The following TERT variants were observed in gnomAD, a reference collection of about 807,000 sequenced individuals.
The protein encoded by TERT is telomerase reverse transcriptase.
A neutral mutation model predicts 104.0 loss-of-function variants in TERT; 42 were observed. That is an observed-to-expected ratio of 0.40 (90% CI 0.32 to 0.52). The LOEUF (loss-of-function observed/expected upper bound fraction) is 0.52. TERT is among the 20% of genes least tolerant of loss of function. The pLI, the probability that TERT is intolerant of heterozygous loss-of-function variation, is 0.43. For synonymous variants in TERT, 781 were observed against 725.6 expected, an observed-to-expected ratio of 1.08 and a Z score of -1.23; for missense variants, 1,101 against 1,610.3, an observed-to-expected ratio of 0.68 and a Z score of 5.41.
In TERT at chr5:1,257,122, A is replaced by C. The variant is rs1467084169; in HGVS notation, c.3032+1476T>G. Among the ~76,000 whole-genome samples, 2 of 152,072 alleles carry C rather than the reference A, an allele frequency of 1.3e-5. No individual in the cohort carries two copies. Among genetic ancestry groups the C allele is most frequent in the African/African-American group, 4.8e-5 (2 of 41,416 alleles). Reference sequence around the variant, plus strand: ...ATCGCATCTCGGCCTCCTCAGGGCTACCCAATCAAGCGACTACCCAAGGGT... The same window carrying C: ...ATCGCATCTCGGCCTCCTCAGGGCTCCCCAATCAAGCGACTACCCAAGGGT... On this transcript the variant is annotated intron_variant, in intron 13 of 15. Transcript: ENST00000310581. The surrounding 1 kb of genome is among the most constrained non-coding windows in gnomAD (Gnocchi z 5.6).
intron 11 of TERT, 143 bp from the exon 12 acceptor site, chr5:1,260,743 G>T (rs1748175811): frequency 1.7e-6 from 2 of 1,182,152 alleles, no homozygotes; most frequent in Non-Finnish European, 2.4e-6. Flanking sequence ...AGGGGGCTGG[G>T]TGCTCACTCC....
At chr5:1,281,390 T>TGCCC (rs1750012343) in intron 3 of TERT, among the ~76,000 whole-genome samples, 1 of 151,682 alleles carries the variant, frequency 6.6e-6, no homozygotes, top group South Asian at 2.1e-4. Flanking sequence ...GCATGGGGTG[T>TGCCC]CACAAGGCCC....
Position 1,280,196 on chromosome 5 carries a change from A to G in TERT, c.1912T>C (p.Tyr638His). 6.2e-7 allele frequency: 1 copy of G among 1,614,098 alleles called. No homozygotes were observed. The highest frequency in any genetic ancestry group is 8.5e-7 in the Non-Finnish European group (1 of 1,180,038). ...DGLRPIVNMD[Y>H]VVGARTFRRE... ...CGGAACGTTCTGGCTCCCACGACGT[A>G]GTCCATGTTCACAATCGGCCGCAGC... Residue 638 changes from tyrosine to histidine, a missense_variant, in exon 4 of 16, where the codon TAC (tyrosine) becomes CAC (histidine). Physicochemically the swap from Tyr to His is moderately conservative, Grantham distance 83. Transcript: ENST00000310581.
Position 1,272,255 on chromosome 5 carries a change from G to C in TERT, c.2312C>G (p.Pro771Arg). Reference protein sequence around the residue: ...SHVSTLTDLQPYMRQFVAHLQ... With the variant: ...SHVSTLTDLQRYMRQFVAHLQ... ...GTGAGCCACGAACTGTCGCATGTACGGCTGGAGGTCTGTCAAGGTAGAGAC... is the reference window on the plus strand; with the variant it reads ...GTGAGCCACGAACTGTCGCATGTACCGCTGGAGGTCTGTCAAGGTAGAGAC... Residue 771 changes from proline to arginine, a missense_variant, in exon 7 of 16, where the codon CCG becomes CGG. Physicochemically the swap from Pro to Arg is moderately radical, Grantham distance 103. Around this residue, in one of 5 missense-constraint regions of TERT, gnomAD observed 463 missense variants for 797.5 expected, o/e 0.58. Coordinates refer to ENST00000310581, the MANE Select transcript of TERT (RefSeq NM_198253.3). 6.2e-7 allele frequency: 1 copy of C among 1,612,536 alleles called. No individual in the cohort carries two copies. Among genetic ancestry groups the C allele is most frequent in the Non-Finnish European group, 8.5e-7 (1 of 1,179,766 alleles).
chr5:1,264,483 T>A lies in TERT; in HGVS notation c.2764A>T (p.Met922Leu), dbSNP rs554229004. Residue 922 changes from methionine (M) to leucine (L), a missense_variant, in exon 11 of 16, where the codon ATG (methionine) becomes TTG (leucine). By Grantham distance (15) the Met-to-Leu change is conservative. Transcript: ENST00000310581. ...CAGGGGAATAGGCCGTGGGCCGGCA[T>A]CTGAACAAAAGCCGTGCCACCCAGG... ...EALGGTAFVQ[M>L]PAHGLFPWCG... 6.2e-6 allele frequency: 10 copies of A among 1,613,928 alleles called. No homozygotes were observed. The East Asian group carries it at 1.8e-4, about 29-fold the overall frequency.
At chr5:1,254,312 G>T (rs1172836345) in intron 15 of TERT, 56 bp downstream of exon 15, 3 of 1,611,626 alleles carry the variant, frequency 1.9e-6, no homozygotes, top group East Asian at 2.2e-5. Context: ...CACACAGGGC[G>T]TTCAAGGATG....
chr5:1,286,274 G>C lies in TERT; in HGVS notation c.1574-3650C>G, dbSNP rs1157562477. Among the ~76,000 whole-genome samples, 5 of 152,160 alleles carry C rather than the reference G, an allele frequency of 3.3e-5. No homozygotes were observed. Among genetic ancestry groups the C allele is most frequent in the Non-Finnish European group, 7.3e-5 (5 of 68,034 alleles). ...CATGGAGGCCAGCACAGGTAAAGCT[G>C]GGGTTTACCAGCAATAACAAGACAG... On this transcript the variant is annotated intron_variant, in intron 2 of 15. Transcript: ENST00000310581. The surrounding 1 kb of genome is among the most constrained non-coding windows in gnomAD (Gnocchi z 5.3).
intron 6 of TERT, among the ~76,000 whole-genome samples, chr5:1,278,243 C>T (rs1749750088): frequency 6.6e-6 from 1 of 152,186 alleles, no homozygotes; most frequent in African/African-American, 2.4e-5. Context: ...TGGTGCGGAC[C>T]ATGCCTGGAG....
chr5:1,253,660 G>A lies in TERT; in HGVS notation c.*68C>T. On this transcript the variant is annotated 3_prime_UTR_variant, in exon 16 of 16. Transcript: ENST00000310581. ...GGGTGTGGGCCGCCCCTCCCTCCCT[G>A]GGACGTAGAGCCCGGCGTGACAGGG... 1 of 1,398,218 alleles carries A rather than the reference G, an allele frequency of 7.2e-7. No individual in the cohort carries two copies. The highest frequency in any genetic ancestry group is 1.9e-5 in the Admixed American group (1 of 52,202). 86.6% of individuals were successfully genotyped at this position (1,398,218 alleles called of 1,614,324 possible).
chr5:1,279,546 G>C, intron 4 of TERT, 76 bp from the exon 5 acceptor site: 2 of 1,458,900 alleles, frequency 1.4e-6, no homozygotes, highest in Non-Finnish European at 9.4e-7. Flanking sequence ...GGACCCAGGG[G>C]AGAAGCAGCC....
chr5:1,291,749 C>T (rs868217957), intron 2 of TERT, among the ~76,000 whole-genome samples: 37 of 151,416 alleles, frequency 2.4e-4, no homozygotes, highest in African/African-American at 8.5e-4. Context: ...TCACCCTGCA[C>T]GTGACAGGGA....
rs778187343 is a variant in TERT at position 1,293,999 on chromosome 5, T to G, written c.887A>C (p.His296Pro). The G allele has an allele frequency of 1.9e-4, 301 of 1,575,612 alleles. No individual in the cohort carries two copies. The highest frequency in any genetic ancestry group is 2.5e-4 in the Non-Finnish European group (296 of 1,164,360). ...EGALSGTRHSHPSVGRQHHAG... is the reference protein window; with the variant it reads ...EGALSGTRHSPPSVGRQHHAG... ...GTGGTGCTGGCGGCCCACGGATGGG[T>G]GGGAGTGGCGCGTGCCAGAGAGCGC... The change falls in exon 2 of 16, where the codon CAC (histidine) becomes CCC (proline). Residue 296 changes from histidine to proline, a missense_variant. Transcript: ENST00000310581.
At chr5:1,266,433 G>A in intron 10 of TERT, 31 bp downstream of exon 10, 1 of 1,586,660 alleles carries the variant, frequency 6.3e-7, no homozygotes, top group Non-Finnish European at 8.6e-7. Context: ...AGGCTGTGGA[G>A]GTCCCCACAG....
rs1448618534 is a variant in TERT, at chr5:1,256,840, C to T, written c.3033-1429G>A. Among the ~76,000 whole-genome samples the T allele has an allele frequency of 6.6e-6, 1 of 152,232 alleles. No homozygotes were observed. Among genetic ancestry groups the T allele is most frequent in the Non-Finnish European group, 1.5e-5 (1 of 68,046 alleles). ...GCTCTCTTCCAAAGGGAGAAATAGC[C>T]ACCTGCTAGAGGTCGGGGCGTCCAC... On this transcript the variant is annotated intron_variant, in intron 13 of 15. Coordinates refer to ENST00000310581, the MANE Select transcript of TERT (RefSeq NM_198253.3). This position sits in a 1 kb window ranked among gnomAD's most constrained non-coding sequence, Gnocchi z 7.0.
In TERT at chr5:1,265,223, T is replaced by A. The variant is rs1226185394; in HGVS notation, c.2655-631A>T. ...GTGCCCGGTAGCCTCTGCTCTGGCC[T>A]GGGCATCCCCTTCCCTTCCTGCGGC... On this transcript the variant is annotated intron_variant, in intron 10 of 15. Transcript: ENST00000310581. The surrounding 1 kb of genome is among the most constrained non-coding windows in gnomAD (Gnocchi z 6.9). 6.6e-6 allele frequency among the ~76,000 whole-genome samples: 1 copy of A among 152,126 alleles called. No homozygotes were observed. The highest frequency in any genetic ancestry group is 1.9e-4 in the East Asian group (1 of 5,174).
In TERT at chr5:1,292,413, G is replaced by C. The variant is rs1196701217; in HGVS notation, c.1573+900C>G. Among the ~76,000 whole-genome samples, 1 of 152,134 alleles carries C rather than the reference G, an allele frequency of 6.6e-6. No individual in the cohort carries two copies. The highest frequency in any genetic ancestry group is 1.5e-5 in the Non-Finnish European group (1 of 68,034). The stretch of plus-strand genomic sequence containing the variant: ...CAGGTGGAGCCATCTGCTGTCCTCT[G>C]CTCCCATGTGGCCCTCTTCATACCT... On this transcript the variant is annotated intron_variant, in intron 2 of 15. Transcript: ENST00000310581. The surrounding 1 kb of genome is among the most constrained non-coding windows in gnomAD (Gnocchi z 5.5).
chr5:1,260,887 G>A (rs1018007616), intron 11 of TERT, among the ~76,000 whole-genome samples: 2 of 152,024 alleles, frequency 1.3e-5, no homozygotes, highest in African/African-American at 4.8e-5. Flanking sequence ...GATGAGATCT[G>A]CACATAACTC....
At chr5:1,271,225 C>CA (rs1749010597) in intron 7 of TERT, 21 bp from the exon 8 acceptor site, 1 of 1,591,416 alleles carries the variant, frequency 6.3e-7, no homozygotes, top group Non-Finnish European at 8.6e-7. Flanking sequence ...AGACGGGAGA[C>CA]ACATGGGAGT....
At chr5:1,290,569 C>G (rs1750839064) in intron 2 of TERT, among the ~76,000 whole-genome samples, 1 of 74,896 alleles carries the variant, frequency 1.3e-5, no homozygotes. Context: ...CTCACTCACC[C>G]TACACGTGAC....
Sources: allele counts gnomAD v4.1 joint callset (sites outside exome capture counted in the v4.1 genomes callset), GRCh38; gene constraint gnomAD v4.1.1; regional missense constraint gnomAD v4.1.1; non-coding constraint Gnocchi (gnomAD v3.1); transcripts MANE v1.5; gene names NCBI Gene and HGNC (gene_info 2026-07-23, HGNC 2026-07-21).